The following GNAS-AS1 variants were observed in gnomAD, a reference collection of about 807,000 sequenced individuals.
GNAS-AS1 encodes the protein GNAS antisense RNA 1 (non-protein coding).
Position 58,841,803 on chromosome 20 carries a change from G to A in GNAS-AS1, n.819+134C>T, listed in dbSNP as rs1300071902. On this transcript the variant is annotated intron_variant and non_coding_transcript_variant, in intron 4 of 4. Coordinates refer to ENST00000424094, the Ensembl canonical transcript of GNAS-AS1. This position sits in a 1 kb window ranked among gnomAD's most constrained non-coding sequence, Gnocchi z 5.0. ...CTGGTCGGGTGGCCAGGCTGCATGC[G>A]GCTTAGCAGGAGACGTCCTGGGCTG... is the stretch of plus-strand genomic sequence containing the variant. The A allele has an allele frequency of 1.6e-6, 2 of 1,230,716 alleles. No individual in the cohort carries two copies. Among genetic ancestry groups the A allele is most frequent in the Middle Eastern group, 3.1e-4 (1 of 3,230 alleles). 76.2% of individuals were successfully genotyped at this position (1,230,716 alleles called of 1,614,324 possible).
intron 4 of GNAS-AS1, among the ~76,000 whole-genome samples, chr20:58,821,616 C>T (rs2085487743): frequency 6.6e-6 from 1 of 152,070 alleles, no homozygotes; most frequent in Non-Finnish European, 1.5e-5. Context: ...GTGGGGCAGG[C>T]TGTGCAAGTA....
In GNAS-AS1 at chr20:58,841,461, G is replaced by C. The variant is rs1457212900; in HGVS notation, n.819+476C>G. ...GTCACGCGCGCGCGGCGCCTAAGCAGCTCAGAGCCGGAGCCCAGGTCCCAG... is the reference window on the plus strand; with the variant it reads ...GTCACGCGCGCGCGGCGCCTAAGCACCTCAGAGCCGGAGCCCAGGTCCCAG... On this transcript the variant is annotated intron_variant and non_coding_transcript_variant, in intron 4 of 4. Transcript: ENST00000424094. This position sits in a 1 kb window ranked among gnomAD's most constrained non-coding sequence, Gnocchi z 5.0. 2 of 992,140 alleles carry C rather than the reference G, an allele frequency of 2.0e-6. No individual in the cohort carries two copies. Among genetic ancestry groups the C allele is most frequent in the East Asian group, 1.1e-4 (1 of 8,962 alleles). 61.5% of individuals were successfully genotyped at this position (992,140 alleles called of 1,614,324 possible). A position where few individuals can be genotyped will look rare whatever the true frequency, so the allele number is the denominator to read the frequency against.
intron 4 of GNAS-AS1, chr20:58,839,896 C>G (rs1029632865): frequency 1.7e-6 from 1 of 602,436 alleles, no homozygotes; most frequent in Non-Finnish European, 3.0e-6. Context: ...CTCAGAGAGG[C>G]AAGCAAGGCG....
intron 4 of GNAS-AS1, chr20:58,839,983 G>C: frequency 1.9e-6 from 2 of 1,033,188 alleles, no homozygotes; most frequent in Non-Finnish European, 1.5e-6. Context: ...GTGAGGCTGG[G>C]ACCTCCGGGC....
At position 58,841,045 on chromosome 20, in the gene GNAS-AS1, T is replaced by TC. The variant is rs1200874939; in HGVS notation, n.819+891dup. ...GGGGTCAGGGTGAGGCGGCGAGGGC[T>TC]CCCCCAAACTTCCCAGGATGCCAGG... On this transcript the variant is annotated intron_variant and non_coding_transcript_variant, in intron 4 of 4. Coordinates refer to ENST00000424094, the Ensembl canonical transcript of GNAS-AS1. The surrounding 1 kb of genome is among the most constrained non-coding windows in gnomAD (Gnocchi z 5.0). 6.6e-6 allele frequency among the ~76,000 whole-genome samples: 1 copy of TC among 151,636 alleles called. No homozygotes were observed. The highest frequency in any genetic ancestry group is 1.5e-5 in the Non-Finnish European group (1 of 67,898).
rs2085563819 is a variant in GNAS-AS1 at position 58,830,747 on chromosome 20, C to CA, written n.819+11189_819+11190insT. ...CCACCATCATAACCAGCACCATCAC[C>CA]GCCACCAGGCATAGTCACTGGTCAG... On this transcript the variant is annotated intron_variant and non_coding_transcript_variant, in intron 4 of 4. Coordinates refer to ENST00000424094, the Ensembl canonical transcript of GNAS-AS1. Among the ~76,000 whole-genome samples, 17 of 150,234 alleles carry CA rather than the reference C, an allele frequency of 1.1e-4. 1 individual carries two copies. The South Asian group carries it at 3.5e-3, about 31-fold the overall frequency.
chr20:58,844,999 T>C (rs2085890936), intron 2 of GNAS-AS1, among the ~76,000 whole-genome samples: 1 of 151,726 alleles, frequency 6.6e-6, no homozygotes, highest in Non-Finnish European at 1.5e-5. Flanking sequence ...TGGAAACACT[T>C]AGCCATCCTG....
chr20:58,823,560 T>C (rs1337717831), intron 4 of GNAS-AS1, among the ~76,000 whole-genome samples: 1 of 152,206 alleles, frequency 6.6e-6, no homozygotes, highest in Admixed American at 6.5e-5. Flanking sequence ...GTGGGCCCCA[T>C]GGCCTTGCTA....
chr20:58,832,645 A>C (rs1270121769), intron 4 of GNAS-AS1, among the ~76,000 whole-genome samples: 2 of 152,308 alleles, frequency 1.3e-5, no homozygotes, highest in African/African-American at 4.8e-5. Flanking sequence ...CAGGAATGAA[A>C]CCACTAGCAA....
exon 3 of GNAS-AS1, chr20:58,842,502 C>T (rs1424263806): frequency 1.0e-5 from 4 of 398,462 alleles, no homozygotes; most frequent in African/African-American, 2.1e-5. Flanking sequence ...TTAGTTCTGC[C>T]GGGCTGCAGC....
intron 4 of GNAS-AS1, among the ~76,000 whole-genome samples, chr20:58,832,894 T>A (rs541593144): frequency 1.3e-5 from 2 of 152,374 alleles, no homozygotes; most frequent in African/African-American, 4.8e-5. Context: ...ATTCCTAGAA[T>A]GCTTATGGTC....
At chr20:58,830,472 C>T (rs2085555398) in intron 4 of GNAS-AS1, among the ~76,000 whole-genome samples, 4 of 111,724 alleles carry the variant, frequency 3.6e-5, no homozygotes, top group Admixed American at 8.8e-5. Flanking sequence ...CACCACACCA[C>T]CATCATCACC....
In GNAS-AS1 at chr20:58,825,490, C is replaced by T. The variant is rs1031638565; in HGVS notation, n.820-6235G>A. On this transcript the variant is annotated intron_variant and non_coding_transcript_variant, in intron 4 of 4. Transcript: ENST00000424094. ...TCATGAGTATTTTTAAAATACTTAA[C>T]CAGACGCCAGGGATACTGGTAATCT... 2.0e-5 allele frequency among the ~76,000 whole-genome samples: 3 copies of T among 152,152 alleles called. 1 individual carries two copies. The South Asian group carries it at 6.2e-4, about 32-fold the overall frequency.
intron 4 of GNAS-AS1, chr20:58,834,257 G>A (rs1289380987): frequency 6.6e-6 from 1 of 152,306 alleles, no homozygotes; most frequent in East Asian, 1.9e-4. Flanking sequence ...TATGAGCCGA[G>A]AGCTTTCCTG....
At chr20:58,850,790 A>G (rs908508041) in exon 1 of GNAS-AS1, 2 of 398,780 alleles carry the variant, frequency 5.0e-6, no homozygotes, top group Non-Finnish European at 8.8e-6. Context: ...GAGTGACCCC[A>G]CGGCGCTAGC....
chr20:58,821,720 C>A (rs2085488568), intron 4 of GNAS-AS1, among the ~76,000 whole-genome samples: 1 of 152,146 alleles, frequency 6.6e-6, no homozygotes, highest in African/African-American at 2.4e-5. Context: ...GTACATGGCT[C>A]TGAAGGAGTT....
intron 4 of GNAS-AS1, among the ~76,000 whole-genome samples, chr20:58,822,191 G>A (rs1463337699): frequency 1.3e-5 from 2 of 152,214 alleles, no homozygotes; most frequent in African/African-American, 4.8e-5. Context: ...CACAGCAAAG[G>A]CAAGGAGGCC....
chr20:58,826,008 C>CA, intron 4 of GNAS-AS1: 1 of 398,612 alleles, frequency 2.5e-6, no homozygotes. Flanking sequence ...TTCTCCTGAG[C>CA]TTGCTCTTTT....
At chr20:58,830,399 A>C (rs2085552415) in intron 4 of GNAS-AS1, among the ~76,000 whole-genome samples, 1 of 117,390 alleles carries the variant, frequency 8.5e-6, no homozygotes, top group South Asian at 3.1e-4. Flanking sequence ...CACCACCATC[A>C]CTGCCACACC....
Sources: gnomAD v4.1 joint callset for allele counts (sites outside exome capture counted in the v4.1 genomes callset) on GRCh38, gnomAD v4.1.1 for gene constraint, Gnocchi (gnomAD v3.1) non-coding constraint, MANE v1.5 for transcripts, NCBI Gene and HGNC (gene_info 2026-07-23, HGNC 2026-07-21) for gene names.